Variants in PPFIA2 observed in about 807,000 individuals in gnomAD.
The protein encoded by PPFIA2 is liprin-alpha-2.
PPFIA2 carries 46 observed loss-of-function variants against 175.5 expected under a neutral mutation model. The ratio of observed to expected loss-of-function variants is 0.26; its 90% CI spans 0.21 to 0.34. The LOEUF (loss-of-function observed/expected upper bound fraction) is 0.34. Among genes scored for constraint, PPFIA2 ranks in the 10% least tolerant of loss-of-function variants. The pLI is 1.00. For missense variants in PPFIA2, 1,179 were observed against 1,506.1 expected, an observed-to-expected ratio of 0.78 and a Z score of 3.60; for synonymous variants, 568 against 511.4, an observed-to-expected ratio of 1.11 and a Z score of -1.49.
intron 4 of PPFIA2, among the ~76,000 whole-genome samples, chr12:81,516,397 T>C (rs959648731): frequency 1.3e-5 from 2 of 152,184 alleles, no homozygotes; most frequent in Admixed American, 6.5e-5. Context: ...AAAATTTCAC[T>C]TTGTTGTTAT....
chr12:81,366,970 A>T (rs1485150019), intron 14 of PPFIA2, 138 bp downstream of exon 14: 3 of 1,032,696 alleles, frequency 2.9e-6, no homozygotes, highest in South Asian at 2.1e-5. Flanking sequence ...TTCTGCACAT[A>T]TTCTAAAAAG....
At chr12:81,292,533 A>G (rs1398555995) in intron 24 of PPFIA2, 1 of 152,106 alleles carries the variant, frequency 6.6e-6, no homozygotes, top group African/African-American at 2.4e-5. Context: ...TAGTAAATAT[A>G]ATTTCTCTTC....
intron 3 of PPFIA2, among the ~76,000 whole-genome samples, chr12:81,689,272 CATA>C (rs1596409878): frequency 6.6e-6 from 1 of 151,940 alleles, no homozygotes; most frequent in Non-Finnish European, 1.5e-5. Flanking sequence ...AGTTCTAAAT[CATA>C]ATAAGTTAAT....
intron 8 of PPFIA2, among the ~76,000 whole-genome samples, chr12:81,391,399 C>T (rs10732675): frequency 2.6e-5 from 4 of 151,870 alleles, no homozygotes; most frequent in African/African-American, 9.7e-5. Flanking sequence ...TGAGACTTGA[C>T]AGGGAAGGCC....
intron 4 of PPFIA2, among the ~76,000 whole-genome samples, chr12:81,460,957 G>C (rs1035717950): frequency 2.0e-5 from 3 of 151,982 alleles, no homozygotes; most frequent in Non-Finnish European, 4.4e-5. Flanking sequence ...ACGATAAGTT[G>C]TTTGTTTCCC....
intron 7 of PPFIA2, among the ~76,000 whole-genome samples, chr12:81,429,449 A>G (rs890149210): frequency 2.6e-5 from 4 of 152,064 alleles, no homozygotes; most frequent in African/African-American, 4.8e-5. Flanking sequence ...TTTCAAATAA[A>G]CGATCCTATA....
chr12:81,463,583 G>T (rs975889895), intron 4 of PPFIA2, among the ~76,000 whole-genome samples: 2 of 152,170 alleles, frequency 1.3e-5, no homozygotes, highest in Admixed American at 6.5e-5. Flanking sequence ...ACGAAGGGAG[G>T]GGTGCCCTTC....
chr12:81,684,761 A>G (rs924352588), intron 3 of PPFIA2, among the ~76,000 whole-genome samples: 2 of 152,092 alleles, frequency 1.3e-5, no homozygotes, highest in Non-Finnish European at 2.9e-5. Context: ...TTTCTGTTCC[A>G]TCATATATCA....
intron 4 of PPFIA2, among the ~76,000 whole-genome samples, chr12:81,623,615 T>A (rs2062331872): frequency 6.6e-6 from 1 of 152,026 alleles, no homozygotes; most frequent in Non-Finnish European, 1.5e-5. Context: ...ATTTGTAATA[T>A]ATTCATGATT....
At chr12:81,597,866 G>C in intron 4 of PPFIA2, 2 of 1,329,966 alleles carry the variant, frequency 1.5e-6, no homozygotes, top group Non-Finnish European at 2.1e-6. Flanking sequence ...ACCTTTTTAA[G>C]TCTTTCTTCC....
intron 3 of PPFIA2, among the ~76,000 whole-genome samples, chr12:81,729,206 T>C (rs1449960951): frequency 6.6e-6 from 1 of 151,562 alleles, no homozygotes; most frequent in Admixed American, 6.6e-5. Flanking sequence ...ATTTTTAGAA[T>C]GACTACATTA....
chr12:81,721,205 T>C (rs1596806142), intron 3 of PPFIA2, among the ~76,000 whole-genome samples: 1 of 151,292 alleles, frequency 6.6e-6, no homozygotes, highest in African/African-American at 2.4e-5. Flanking sequence ...AAGGGCCAAC[T>C]GTGGAGAATC....
intron 17 of PPFIA2, among the ~76,000 whole-genome samples, chr12:81,352,575 T>A (rs993081816): frequency 6.6e-6 from 1 of 151,812 alleles, no homozygotes; most frequent in African/African-American, 2.4e-5. Context: ...TCTAAAACTG[T>A]TAATGTTAAT....
At chr12:81,379,863 G>A (rs1038701687) in intron 9 of PPFIA2, among the ~76,000 whole-genome samples, 1 of 152,232 alleles carries the variant, frequency 6.6e-6, no homozygotes, top group East Asian at 1.9e-4. Context: ...TGCAGTTTTT[G>A]CTATTCAAAG....
chr12:81,512,229 C>A, intron 4 of PPFIA2: 1 of 965,740 alleles, frequency 1.0e-6, no homozygotes, highest in South Asian at 1.4e-5. Context: ...CCCTTAACGG[C>A]TCCCTAATGC....
chr12:81,424,253 C>A (rs992523320), intron 7 of PPFIA2, among the ~76,000 whole-genome samples: 3 of 152,014 alleles, frequency 2.0e-5, no homozygotes, highest in African/African-American at 7.2e-5. Context: ...GATATCTTTA[C>A]AATATCTAGC....
chr12:81,321,721 T>C (rs1299723789), intron 22 of PPFIA2, among the ~76,000 whole-genome samples: 2 of 152,162 alleles, frequency 1.3e-5, no homozygotes, highest in Non-Finnish European at 2.9e-5. Flanking sequence ...AGTCAACAAA[T>C]AAATTCTGAA....
At chr12:81,676,191 G>A (rs569729152) in intron 4 of PPFIA2, among the ~76,000 whole-genome samples, 1 of 151,962 alleles carries the variant, frequency 6.6e-6, no homozygotes, top group African/African-American at 2.4e-5. Flanking sequence ...GATATACTTT[G>A]AATTTATTTT....
chr12:81,414,304 G>T (rs1386655886), intron 7 of PPFIA2, among the ~76,000 whole-genome samples: 1 of 151,610 alleles, frequency 6.6e-6, no homozygotes, highest in East Asian at 1.9e-4. Flanking sequence ...CCTGACCTGC[G>T]TTGGCAAACA....
Sources: allele counts gnomAD v4.1 joint callset (sites outside exome capture counted in the v4.1 genomes callset), GRCh38; gene constraint gnomAD v4.1.1; transcripts MANE v1.5; gene names NCBI Gene and HGNC (gene_info 2026-07-23, HGNC 2026-07-21).